PIK3C2G: variants seen among roughly 807,000 people sequenced by gnomAD.
PIK3C2G encodes phosphatidylinositol-4-phosphate 3-kinase catalytic subunit type 2 gamma.
Under a neutral mutation model 181.1 loss-of-function variants are expected in PIK3C2G, and 168 were observed. The observed-to-expected ratio is 0.93, with a 90% CI of 0.82 to 1.05. The LOEUF (loss-of-function observed/expected upper bound fraction) is 1.05, where lower values mean the gene tolerates loss of function less well. Among genes scored for constraint, PIK3C2G ranks in the 50% least tolerant of loss-of-function variants. The probability of loss-of-function intolerance (pLI) is 0.00; values close to 1 mark genes in which losing one functional copy is unlikely to be tolerated. For synonymous variants in PIK3C2G, 573 were observed against 592.2 expected (o/e 0.97, Z 0.47); for missense variants, 1,869 against 1,732.8 (o/e 1.08, Z -1.40).
the PIK3C2G span, among the ~76,000 whole-genome samples, chr12:18,699,225 C>T: frequency 6.6e-6 from 1 of 152,158 alleles, no homozygotes; most frequent in Non-Finnish European, 1.5e-5. Context: ...CTTCCCCTTC[C>T]TTCACCATAG....
At chr12:18,523,721 G>T (rs545292801) in intron 24 of PIK3C2G, among the ~76,000 whole-genome samples, 2 of 152,342 alleles carry the variant, frequency 1.3e-5, no homozygotes, top group African/African-American at 4.8e-5. Context: ...GGCAGGGCCA[G>T]ATACTCTGTG....
At chr12:18,257,069 G>T (rs981085788), upstream of PIK3C2G, among the ~76,000 whole-genome samples, 4 of 151,856 alleles carry the variant, frequency 2.6e-5, no homozygotes, top group Non-Finnish European at 4.4e-5. Flanking sequence ...AGAGGGAAAG[G>T]TTCCAGAATA....
intron 1 of PIK3C2G, among the ~76,000 whole-genome samples, chr12:18,248,330 T>C (rs1948061565): frequency 6.6e-6 from 1 of 152,082 alleles, no homozygotes; most frequent in Non-Finnish European, 1.5e-5. Flanking sequence ...CCCAGCACTT[T>C]GGGAGGCCGA....
intron 5 of PIK3C2G, among the ~76,000 whole-genome samples, chr12:18,308,607 G>C (rs1418959308): frequency 1.3e-5 from 2 of 151,324 alleles, no homozygotes. Context: ...AATGATTAAG[G>C]CCCAGAATTC....
chr12:18,679,316 T>C, the PIK3C2G span, among the ~76,000 whole-genome samples: 1 of 152,084 alleles, frequency 6.6e-6, no homozygotes, highest in Admixed American at 6.6e-5. Context: ...AAATCAACTC[T>C]ATCATTTATT....
chr12:18,487,314 GA>G (rs1173093208), intron 18 of PIK3C2G, among the ~76,000 whole-genome samples: 1 of 151,966 alleles, frequency 6.6e-6, no homozygotes, highest in Non-Finnish European at 1.5e-5. Flanking sequence ...TGTAGCAACA[GA>G]AAACATTGAA....
At chr12:18,383,000 A>G (rs1942940583) in intron 14 of PIK3C2G, among the ~76,000 whole-genome samples, 1 of 152,256 alleles carries the variant, frequency 6.6e-6, no homozygotes, top group Non-Finnish European at 1.5e-5. Context: ...ACATGTTAAA[A>G]AAGAATGCTT....
chr12:18,523,339 G>C (rs866269957), intron 24 of PIK3C2G, among the ~76,000 whole-genome samples: 4 of 152,140 alleles, frequency 2.6e-5, no homozygotes, highest in African/African-American at 7.2e-5. Context: ...GCCTGCATAT[G>C]TGAGGACATC....
intron 12 of PIK3C2G, among the ~76,000 whole-genome samples, chr12:18,363,601 T>C (rs1941427022): frequency 6.6e-6 from 1 of 151,938 alleles, no homozygotes; most frequent in Admixed American, 6.6e-5. Flanking sequence ...TCTGTATTGC[T>C]TCACTCAGAT....
intron 26 of PIK3C2G, among the ~76,000 whole-genome samples, chr12:18,554,941 A>C (rs1944925822): frequency 6.6e-6 from 1 of 152,130 alleles, no homozygotes; most frequent in Non-Finnish European, 1.5e-5. Flanking sequence ...ACATGCCAGA[A>C]TACTGCAATG....
chr12:18,261,136 C>T (rs547778294), upstream of PIK3C2G, among the ~76,000 whole-genome samples: 2 of 152,134 alleles, frequency 1.3e-5, no homozygotes, highest in Non-Finnish European at 2.9e-5. Context: ...CTCACCTCTG[C>T]TCCTGCAAAT....
the PIK3C2G span, chr12:18,719,729 C>G: frequency 3.9e-6 from 3 of 767,430 alleles, no homozygotes; most frequent in Non-Finnish European, 6.0e-6. Flanking sequence ...AGTAGTAGAG[C>G]ATATTTCTAA....
intron 5 of PIK3C2G, among the ~76,000 whole-genome samples, chr12:18,297,429 C>T (rs1949988367): frequency 6.6e-6 from 1 of 151,818 alleles, no homozygotes; most frequent in Non-Finnish European, 1.5e-5. Flanking sequence ...TGTAAATATT[C>T]ATGAGGTACA....
chr12:18,522,561 A>G (rs760144769), intron 24 of PIK3C2G, among the ~76,000 whole-genome samples: 9 of 148,520 alleles, frequency 6.1e-5, no homozygotes, highest in Non-Finnish European at 1.0e-4. Context: ...ATATCATCCT[A>G]TTCTCTCCTG....
chr12:18,547,956 T>C (rs1944520114), intron 26 of PIK3C2G, among the ~76,000 whole-genome samples: 1 of 151,796 alleles, frequency 6.6e-6, no homozygotes, highest in Admixed American at 6.6e-5. Context: ...AGGGAAAGCC[T>C]CAGGAAGAAC....
At chr12:18,376,051 G>T (rs561013742) in intron 13 of PIK3C2G, among the ~76,000 whole-genome samples, 14 of 152,214 alleles carry the variant, frequency 9.2e-5, no homozygotes, top group African/African-American at 3.1e-4. Context: ...CCCTCACAGA[G>T]AACCTCTAAT....
intron 5 of PIK3C2G, among the ~76,000 whole-genome samples, chr12:18,309,642 T>C (rs1178258201): frequency 6.6e-6 from 1 of 151,828 alleles, no homozygotes; most frequent in African/African-American, 2.4e-5. Context: ...TAACTGTTTT[T>C]CCTATATGTT....
At chr12:18,322,825 T>C (rs1299926949) in intron 7 of PIK3C2G, among the ~76,000 whole-genome samples, 1 of 152,208 alleles carries the variant, frequency 6.6e-6, no homozygotes, top group Non-Finnish European at 1.5e-5. Context: ...ATTTTCGTTT[T>C]ATAGGTAATT....
intron 29 of PIK3C2G, among the ~76,000 whole-genome samples, chr12:18,578,714 T>C (rs1946348445): frequency 6.6e-6 from 1 of 152,196 alleles, no homozygotes; most frequent in African/African-American, 2.4e-5. Context: ...TATATTAACA[T>C]AGTTATATCT....
Sources: gnomAD v4.1 joint callset for allele counts (sites outside exome capture counted in the v4.1 genomes callset) on GRCh38, gnomAD v4.1.1 for gene constraint, MANE v1.5 for transcripts, NCBI Gene and HGNC (gene_info 2026-07-23, HGNC 2026-07-21) for gene names.